FRMPD4: variants seen among roughly 807,000 people sequenced by gnomAD.
FRMPD4 encodes FERM and PDZ domain containing 4, also known as FERM and PDZ domain-containing protein 4.
Under a neutral mutation model 94.1 loss-of-function variants are expected in FRMPD4, and 22 were observed. That is an observed-to-expected ratio of 0.23 (90% CI 0.17 to 0.33). The LOEUF is 0.33. Ranked by LOEUF, FRMPD4 falls within the 10% of genes least tolerant of loss-of-function variation. The pLI is 1.00. For synonymous variants in FRMPD4, 631 were observed against 548.6 expected (o/e 1.15, Z -2.10); for missense variants, 1,111 against 1,339.9 (o/e 0.83, Z 2.67).
chrX:12,644,649 A>G (rs899569602), intron 4 of FRMPD4, among the ~76,000 whole-genome samples: 1 of 111,678 alleles, frequency 9.0e-6, no homozygotes, highest in Non-Finnish European at 1.9e-5. Context: ...TACTCTGCCC[A>G]GGCTGAATGG....
At chrX:12,343,628 T>A (rs1479393188) in intron 1 of FRMPD4, among the ~76,000 whole-genome samples, 2 of 112,174 alleles carry the variant, frequency 1.8e-5, no homozygotes, top group African/African-American at 6.5e-5. Context: ...ATTCCATTTG[T>A]CTATATTCAC....
chrX:12,653,452 CTT>C (rs916009694), intron 4 of FRMPD4, among the ~76,000 whole-genome samples: 3 of 111,934 alleles, frequency 2.7e-5, no homozygotes, highest in Non-Finnish European at 3.8e-5. Context: ...AGTAATGTCA[CTT>C]TTTTTGACAT....
chrX:12,664,889 T>C lies in FRMPD4; in HGVS notation c.423-9974T>C, dbSNP rs2059759351. ...ACTGCCTCAATTTCAGAACTTGTTA[T>C]TGGTCTATTCCGAGATTCGACATCT... is the stretch of plus-strand genomic sequence containing the variant. On this transcript the variant is annotated intron_variant, in intron 4 of 16. Coordinates refer to ENST00000675598, the MANE Select transcript of FRMPD4 (RefSeq NM_001368397.1). Among the ~76,000 whole-genome samples, 8 of 112,090 alleles carry C rather than the reference T, an allele frequency of 7.1e-5. No individual in the cohort carries two copies. In the Admixed American group the frequency reaches 7.5e-4, roughly 11 times the overall value.
In FRMPD4 at chrX:11,930,107, CAAAAAAAAA is replaced by C. The variant is rs55973946; in HGVS notation, c.95+52108_95+52116del. Among the ~76,000 whole-genome samples the C allele has an allele frequency of 7.0e-3, 93 of 13,253 alleles. 5 individuals carry two copies. The Admixed American group carries it at 0.11, about 15-fold the overall frequency. 11.5% of individuals were successfully genotyped at this position (13,253 alleles called of 115,157 possible). ...TGGGCAACAGAGTGAGACTCTGTCT[CAAAAAAAAA>C]AAAAAAAAAAAAAAAAAAGGCACCG... On this transcript the variant is annotated intron_variant, in intron 3 of 18. Transcript: ENST00000640291.
intron 3 of FRMPD4, among the ~76,000 whole-genome samples, chrX:12,047,372 TTATGA>T (rs1465296052): frequency 9.0e-6 from 1 of 111,650 alleles, no homozygotes; most frequent in East Asian, 2.8e-4. Context: ...ATTTCAGAAC[TTATGA>T]TATGTAGCTA....
intron 1 of FRMPD4, among the ~76,000 whole-genome samples, chrX:11,863,276 G>GT (rs2053699131): frequency 9.1e-6 from 1 of 109,308 alleles, no homozygotes; most frequent in Non-Finnish European, 1.9e-5. Flanking sequence ...GCAGTGTTTG[G>GT]TTTTTTGTCC....
At chrX:11,823,429 C>A (rs2053423313) in intron 1 of FRMPD4, among the ~76,000 whole-genome samples, 1 of 110,672 alleles carries the variant, frequency 9.0e-6, no homozygotes, top group African/African-American at 3.3e-5. Context: ...CCCATTTAAC[C>A]TGAGGCTCAC....
At chrX:12,290,901 A>C (rs1032015596) in intron 1 of FRMPD4, among the ~76,000 whole-genome samples, 3 of 111,076 alleles carry the variant, frequency 2.7e-5, no homozygotes, top group African/African-American at 9.8e-5. Context: ...ATTAAGATGG[A>C]CTGCTTACAT....
chrX:12,302,225 C>CT (rs2054872266), intron 1 of FRMPD4, among the ~76,000 whole-genome samples: 1 of 111,907 alleles, frequency 8.9e-6, no homozygotes, highest in Admixed American at 9.4e-5. Flanking sequence ...GTATCCATAT[C>CT]TTTTGGCAAT....
At chrX:12,385,642 A>C (rs970329954) in intron 1 of FRMPD4, among the ~76,000 whole-genome samples, 2 of 112,602 alleles carry the variant, frequency 1.8e-5, no homozygotes, top group Non-Finnish European at 3.8e-5. Flanking sequence ...GAACTGAACT[A>C]CACCAAAAAT....
At chrX:12,543,590 G>A (rs1385870699) in intron 2 of FRMPD4, among the ~76,000 whole-genome samples, 10 of 111,720 alleles carry the variant, frequency 9.0e-5, no homozygotes, top group African/African-American at 3.2e-4. Flanking sequence ...TCTGGAAACA[G>A]GTGCTGGAGA....
intron 3 of FRMPD4, among the ~76,000 whole-genome samples, chrX:12,012,443 G>T (rs1193205006): frequency 1.8e-5 from 2 of 111,739 alleles, no homozygotes; most frequent in Non-Finnish European, 3.8e-5. Flanking sequence ...AATCATGAAG[G>T]TATATTGGTC....
upstream of FRMPD4, among the ~76,000 whole-genome samples, chrX:12,137,171 A>G (rs1342335945): frequency 8.9e-6 from 1 of 112,250 alleles, no homozygotes; most frequent in Non-Finnish European, 1.9e-5. Context: ...CGTTCATGCA[A>G]TTAAACTAGC....
chrX:12,359,472 CTT>C (rs34380413), intron 1 of FRMPD4, among the ~76,000 whole-genome samples: 1 of 98,018 alleles, frequency 1.0e-5, no homozygotes, highest in Non-Finnish European at 2.0e-5. Context: ...TTTCTTTTTT[CTT>C]TTTTTTTTTT....
At position 12,489,049 on chromosome X, in the gene FRMPD4, A is replaced by C. The variant is rs747927713; in HGVS notation, c.42-9631A>C. Among the ~76,000 whole-genome samples the C allele has an allele frequency of 1.2e-4, 13 of 111,945 alleles. No individual in the cohort carries two copies. The East Asian group carries it at 3.6e-3, about 31-fold the overall frequency. ...GGTACAAAGAGCTTATGACTCATGA[A>C]TCTGAAAATATTTAGTATATCTGGC... On this transcript the variant is annotated intron_variant, in intron 1 of 16. Transcript: ENST00000675598.
chrX:11,852,813 AC>A (rs1369777605), intron 1 of FRMPD4, among the ~76,000 whole-genome samples: 4 of 111,745 alleles, frequency 3.6e-5, no homozygotes, highest in Non-Finnish European at 7.5e-5. Context: ...ATAGAGGGGG[AC>A]TTTAACACCC....
Position 12,614,798 on chromosome X carries a change from G to A in FRMPD4, c.339G>A (p.Lys113=). 2 of 1,176,076 alleles carry A rather than the reference G, an allele frequency of 1.7e-6. No individual in the cohort carries two copies. The highest frequency in any genetic ancestry group is 1.8e-5 in the African/African-American group (1 of 56,996). ...SVTPGGPSEG[K]LIPGDQIVMI... ...CTCCAGGTGGCCCCTCTGAAGGCAAGCTGATCCCGGGAGATCAGATTGTAA... is the reference window on the plus strand; with the variant it reads ...CTCCAGGTGGCCCCTCTGAAGGCAAACTGATCCCGGGAGATCAGATTGTAA... Residue 113 remains lysine, a synonymous_variant, in exon 4 of 17, where the codon AAG becomes AAA. Coordinates refer to ENST00000675598, the MANE Select transcript of FRMPD4 (RefSeq NM_001368397.1).
intron 2 of FRMPD4, among the ~76,000 whole-genome samples, chrX:12,508,040 C>T (rs1305538997): frequency 4.5e-5 from 5 of 112,182 alleles, no homozygotes; most frequent in Non-Finnish European, 3.8e-5. Flanking sequence ...AATTACATAG[C>T]AATTTGCGCT....
chrX:12,473,921 A>G (rs760493107), intron 1 of FRMPD4, among the ~76,000 whole-genome samples: 2 of 109,431 alleles, frequency 1.8e-5, no homozygotes, highest in South Asian at 7.6e-4. Flanking sequence ...CAGAAAGTTA[A>G]CAAGGAAATC....
Sources: gnomAD v4.1 joint callset for allele counts (sites outside exome capture counted in the v4.1 genomes callset) on GRCh38, gnomAD v4.1.1 for gene constraint, MANE v1.5 for transcripts, NCBI Gene and HGNC (gene_info 2026-07-23, HGNC 2026-07-21) for gene names.